The following ADAM32 variants were observed in gnomAD, a reference collection of about 807,000 sequenced individuals.
ADAM32 encodes ADAM metallopeptidase domain 32.
A neutral mutation model predicts 114.9 loss-of-function variants in ADAM32; 89 were observed. The ratio of observed to expected loss-of-function variants is 0.77; its 90% CI spans 0.65 to 0.92. The LOEUF is 0.92. ADAM32 is among the 40% of genes least tolerant of loss of function. ADAM32 has a pLI of 0.00. For missense variants in ADAM32, 870 were observed against 932.8 expected (o/e 0.93, Z 0.88); for synonymous variants, 285 against 307.5 (o/e 0.93, Z 0.77).
intron 5 of ADAM32, among the ~76,000 whole-genome samples, chr8:39,150,148 A>G (rs1451238928): frequency 2.0e-5 from 3 of 152,164 alleles, no homozygotes; most frequent in Admixed American, 6.5e-5. Context: ...ATGTTTGACT[A>G]CAAGTGTTTT....
intron 2 of ADAM32, among the ~76,000 whole-genome samples, chr8:39,125,404 T>G (rs990579151): frequency 6.6e-6 from 1 of 152,204 alleles, no homozygotes; most frequent in Non-Finnish European, 1.5e-5. Context: ...AGCACGTAAC[T>G]TGTCTGGTTT....
chr8:39,275,749 G>C, intron 21 of ADAM32, 79 bp from the exon 22 acceptor site: 1 of 1,346,436 alleles, frequency 7.4e-7, no homozygotes, highest in Non-Finnish European at 1.0e-6. Flanking sequence ...GTTGTAAAAT[G>C]ATCCGACATT....
At position 39,161,009 on chromosome 8, in the gene ADAM32, A is replaced by C. The variant is rs183201534; in HGVS notation, c.594+44A>C. 6.0e-5 allele frequency: 88 copies of C among 1,456,086 alleles called. No homozygotes were observed. The African/African-American group carries it at 9.9e-4, about 16-fold the overall frequency. The allele number at this position is 1,456,086 out of a possible 1,614,324, so 90.2% of individuals were successfully genotyped here. A position where few individuals can be genotyped will look rare whatever the true frequency, so the allele number is the denominator to read the frequency against. ...CTTTGCTTTGAAATATTTGATCCAA[A>C]TGTATGATTATGCCTAGCTAGCTAG... is the stretch of plus-strand genomic sequence containing the variant. On this transcript the variant is annotated intron_variant, in intron 7 of 24. Transcript: ENST00000379907.
At chr8:39,275,926 A>T (rs1446624131) in intron 22 of ADAM32, 60 bp downstream of exon 22, 1 of 1,429,738 alleles carries the variant, frequency 7.0e-7, no homozygotes, top group Non-Finnish European at 9.5e-7. Context: ...ATTGAGATGA[A>T]CAAATTGATA....
chr8:39,261,096 C>T (rs574261374), intron 19 of ADAM32, among the ~76,000 whole-genome samples: 34 of 152,156 alleles, frequency 2.2e-4, no homozygotes, highest in African/African-American at 7.7e-4. Context: ...CTCCTTCTAG[C>T]TATTTGAAAC....
chr8:39,277,012 C>T (rs1445212284), intron 22 of ADAM32, among the ~76,000 whole-genome samples: 1 of 151,970 alleles, frequency 6.6e-6, no homozygotes, highest in Non-Finnish European at 1.5e-5. Context: ...ACAGAGGCAA[C>T]CAAACCAACA....
In ADAM32 at chr8:39,107,749, T is replaced by C; in HGVS notation, c.-27T>C. ...GGCAATTCCCGACTTCCCAACGGCT[T>C]CCCGCTGGCAGCCCCGAAGCCGCAC... On this transcript the variant is annotated 5_prime_UTR_variant, in exon 1 of 25. Transcript: ENST00000379907. 6.5e-7 allele frequency: 1 copy of C among 1,550,296 alleles called. No individual in the cohort carries two copies. The highest frequency in any genetic ancestry group is 8.7e-7 in the Non-Finnish European group (1 of 1,146,620).
At chr8:39,208,724 T>C (rs6474117) in intron 11 of ADAM32, among the ~76,000 whole-genome samples, 108,191 of 152,028 alleles carry the variant, frequency 0.71, 38,706 homozygotes, top group Middle Eastern at 0.79. Flanking sequence ...CAGTCCTTCC[T>C]GGTCTTTAAG....
chr8:39,186,103 G>A (rs1302719708), intron 10 of ADAM32, among the ~76,000 whole-genome samples: 1 of 152,058 alleles, frequency 6.6e-6, no homozygotes, highest in Non-Finnish European at 1.5e-5. Flanking sequence ...TTCTGATTCC[G>A]TTTGCATTTT....
chr8:39,273,529 AAAAC>A (rs1554629385), intron 20 of ADAM32, among the ~76,000 whole-genome samples: 10 of 150,824 alleles, frequency 6.6e-5, no homozygotes, highest in South Asian at 2.1e-4. Flanking sequence ...TCCACCTCAA[AAAAC>A]AAACAAACAA....
chr8:39,279,533 C>T (rs955391731), intron 22 of ADAM32, among the ~76,000 whole-genome samples: 7 of 152,192 alleles, frequency 4.6e-5, no homozygotes, highest in African/African-American at 1.2e-4. Flanking sequence ...CCACTCGCCT[C>T]GGCCTCCCAA....
chr8:39,268,913 A>G (rs1319810547), intron 19 of ADAM32, among the ~76,000 whole-genome samples: 1 of 152,220 alleles, frequency 6.6e-6, no homozygotes, highest in Non-Finnish European at 1.5e-5. Context: ...CTTACTCTGA[A>G]TTACCATATA....
At chr8:39,241,494 C>A (rs914907940) in intron 16 of ADAM32, among the ~76,000 whole-genome samples, 2 of 152,238 alleles carry the variant, frequency 1.3e-5, no homozygotes, top group Non-Finnish European at 2.9e-5. Context: ...GACACTCATA[C>A]ATCCTTTGAA....
intron 8 of ADAM32, 94 bp from the exon 9 acceptor site, chr8:39,164,936 A>T (rs1366083825): frequency 6.7e-7 from 1 of 1,487,852 alleles, no homozygotes; most frequent in Non-Finnish European, 9.2e-7. Flanking sequence ...ACCCATATAA[A>T]CTGAGTGTGG....
At chr8:39,258,231 T>G (rs1811787104) in intron 19 of ADAM32, among the ~76,000 whole-genome samples, 1 of 151,914 alleles carries the variant, frequency 6.6e-6, no homozygotes, top group Admixed American at 6.6e-5. Context: ...TCTCTATTTC[T>G]ATTGTTTTTT....
chr8:39,269,959 G>A (rs1319248590), intron 19 of ADAM32, among the ~76,000 whole-genome samples: 2 of 152,236 alleles, frequency 1.3e-5, no homozygotes, highest in South Asian at 4.1e-4. Context: ...TCACAAGGCA[G>A]CAGGAGGGAG....
chr8:39,226,360 G>A (rs1467855966), intron 14 of ADAM32, among the ~76,000 whole-genome samples: 1 of 151,982 alleles, frequency 6.6e-6, no homozygotes, highest in East Asian at 1.9e-4. Flanking sequence ...AAAATCTTAG[G>A]AAAGATATAA....
intron 11 of ADAM32, among the ~76,000 whole-genome samples, chr8:39,197,118 T>C (rs1807062614): frequency 6.6e-6 from 1 of 152,160 alleles, no homozygotes. Flanking sequence ...GTTTTCCGAT[T>C]TGTCAGCATA....
intron 10 of ADAM32, among the ~76,000 whole-genome samples, chr8:39,185,927 G>A (rs577413850): frequency 6.6e-6 from 1 of 151,278 alleles, no homozygotes; most frequent in East Asian, 1.9e-4. Flanking sequence ...TTTGGAGAGG[G>A]CTTCCTCTGC....
Sources: allele counts gnomAD v4.1 joint callset (sites outside exome capture counted in the v4.1 genomes callset), GRCh38; gene constraint gnomAD v4.1.1; transcripts MANE v1.5; gene names NCBI Gene and HGNC (gene_info 2026-07-23, HGNC 2026-07-21).